The following DLG2 variants were observed in gnomAD, a reference collection of about 807,000 sequenced individuals.
DLG2 encodes disks large homolog 2.
A neutral mutation model predicts 132.5 loss-of-function variants in DLG2; 45 were observed. The ratio of observed to expected loss-of-function variants is 0.34; its 90% CI spans 0.27 to 0.44. The LOEUF is 0.44. DLG2 is among the 20% of genes least tolerant of loss of function. DLG2 has a pLI of 1.00. For missense variants in DLG2, 1,045 were observed against 1,196.9 expected (o/e 0.87, Z 1.87); for synonymous variants, 424 against 419.6 (o/e 1.01, Z -0.13).
intron 6 of DLG2, among the ~76,000 whole-genome samples, chr11:84,785,316 T>C (rs1288551230): frequency 6.6e-6 from 1 of 152,132 alleles, no homozygotes; most frequent in African/African-American, 2.4e-5. Context: ...TATTATCTTA[T>C]GTTATGGTTC....
At chr11:85,089,764 G>A (rs1464183549) in intron 6 of DLG2, among the ~76,000 whole-genome samples, 1 of 152,094 alleles carries the variant, frequency 6.6e-6, no homozygotes, top group East Asian at 1.9e-4. Flanking sequence ...AATGGGCAAG[G>A]ACATGAACAG....
intron 3 of DLG2, among the ~76,000 whole-genome samples, chr11:85,468,748 G>T (rs1320809374): frequency 6.6e-6 from 1 of 152,140 alleles, no homozygotes; most frequent in Non-Finnish European, 1.5e-5. Context: ...GGTCAATTTT[G>T]GAATAGGTGT....
chr11:84,450,899 T>C (rs1344291244), intron 7 of DLG2, among the ~76,000 whole-genome samples: 5 of 151,758 alleles, frequency 3.3e-5, no homozygotes, highest in Non-Finnish European at 7.4e-5. Flanking sequence ...AAAAGAGTTA[T>C]TTAATTCATG....
chr11:83,876,345 G>C (rs1460116383), intron 15 of DLG2, among the ~76,000 whole-genome samples: 1 of 152,066 alleles, frequency 6.6e-6, no homozygotes, highest in South Asian at 2.1e-4. Context: ...ACTGTATTTA[G>C]ACCACTTCAG....
chr11:85,132,694 A>G (rs1308323378), intron 5 of DLG2: 2 of 456,588 alleles, frequency 4.4e-6, no homozygotes, highest in Non-Finnish European at 8.8e-6. Flanking sequence ...CACCTACTAG[A>G]ACTGTTTAAT....
intron 6 of DLG2, among the ~76,000 whole-genome samples, chr11:85,049,276 C>T (rs1318646948): frequency 6.6e-6 from 1 of 151,970 alleles, no homozygotes; most frequent in East Asian, 1.9e-4. Flanking sequence ...GCCCCCTTGG[C>T]AAAAGGAATT....
intron 19 of DLG2, chr11:83,632,669 A>C (rs2063771414): frequency 6.6e-6 from 1 of 152,314 alleles, no homozygotes; most frequent in Non-Finnish European, 1.5e-5. Flanking sequence ...TCAGACAAGG[A>C]ACAAGTAACT....
At chr11:84,804,565 A>G (rs2075784962) in intron 6 of DLG2, among the ~76,000 whole-genome samples, 1 of 152,210 alleles carries the variant, frequency 6.6e-6, no homozygotes, top group African/African-American at 2.4e-5. Context: ...TAACTTCTCT[A>G]GGTTTTCTTT....
At chr11:85,498,183 T>G (rs779048406) in intron 3 of DLG2, among the ~76,000 whole-genome samples, 1 of 152,016 alleles carries the variant, frequency 6.6e-6, no homozygotes, top group Non-Finnish European at 1.5e-5. Context: ...TTCAGGAGAC[T>G]CATCTGATGT....
intron 15 of DLG2, among the ~76,000 whole-genome samples, chr11:83,874,857 T>C (rs553694328): frequency 7.2e-4 from 109 of 152,332 alleles, no homozygotes; most frequent in Non-Finnish European, 1.4e-3. Context: ...AATTTGATTT[T>C]AATATGTATT....
intron 7 of DLG2, among the ~76,000 whole-genome samples, chr11:84,327,968 T>C (rs2098440689): frequency 6.6e-6 from 1 of 152,198 alleles, no homozygotes; most frequent in African/African-American, 2.4e-5. Flanking sequence ...GGCTTTTGAT[T>C]AGACTTTTGG....
chr11:84,736,676 T>C (rs928582239), intron 6 of DLG2, among the ~76,000 whole-genome samples: 4 of 152,136 alleles, frequency 2.6e-5, no homozygotes, highest in Non-Finnish European at 5.9e-5. Flanking sequence ...CCTTTATTGA[T>C]TTTAATTTCT....
At chr11:85,171,126 T>C (rs575160356) in intron 4 of DLG2, among the ~76,000 whole-genome samples, 1 of 152,114 alleles carries the variant, frequency 6.6e-6, no homozygotes, top group South Asian at 2.1e-4. Flanking sequence ...CCAGATAAGA[T>C]AGCCAATTAG....
At chr11:84,464,954 T>C (rs755976337) in intron 7 of DLG2, among the ~76,000 whole-genome samples, 10 of 151,238 alleles carry the variant, frequency 6.6e-5, no homozygotes, top group South Asian at 2.1e-4. Flanking sequence ...AAATCCGTTA[T>C]AGGTCATGAC....
At chr11:85,292,624 C>CGAAGGAAGGAAGGAATGAAG (rs2078963276) in intron 3 of DLG2, among the ~76,000 whole-genome samples, 2 of 14,486 alleles carry the variant, frequency 1.4e-4, no homozygotes, top group South Asian at 4.3e-3. Flanking sequence ...AAAGCACAAC[C>CGAAGGAAGGAAGGAATGAAG]GAAGGAAGGA....
intron 6 of DLG2, among the ~76,000 whole-genome samples, chr11:84,757,754 C>A (rs2067077381): frequency 6.6e-6 from 1 of 152,144 alleles, no homozygotes; most frequent in Non-Finnish European, 1.5e-5. Flanking sequence ...GTATTTGATT[C>A]CAAATCCTGT....
At chr11:84,781,601 C>T (rs550947228) in intron 6 of DLG2, among the ~76,000 whole-genome samples, 1 of 152,184 alleles carries the variant, frequency 6.6e-6, no homozygotes, top group South Asian at 2.1e-4. Context: ...AAACATACTA[C>T]TTCTTATTAC....
At chr11:84,586,431 T>A (rs2099530108) in intron 6 of DLG2, among the ~76,000 whole-genome samples, 1 of 152,196 alleles carries the variant, frequency 6.6e-6, no homozygotes, top group East Asian at 1.9e-4. Context: ...GTTCCATTTG[T>A]TAACTTTCAA....
intron 7 of DLG2, among the ~76,000 whole-genome samples, chr11:84,431,461 G>GA (rs1438204484): frequency 6.6e-6 from 1 of 152,104 alleles, no homozygotes; most frequent in Non-Finnish European, 1.5e-5. Context: ...TGGGAGTCTG[G>GA]AAGGCTTCTT....
Sources: allele counts gnomAD v4.1 joint callset (sites outside exome capture counted in the v4.1 genomes callset), GRCh38; gene constraint gnomAD v4.1.1; transcripts MANE v1.5; gene names NCBI Gene and HGNC (gene_info 2026-07-23, HGNC 2026-07-21).